SHISA7: variants seen among roughly 807,000 people sequenced by gnomAD.
SHISA7 encodes protein shisa-7.
Under a neutral mutation model 23.9 loss-of-function variants are expected in SHISA7, and 6 were observed. The observed-to-expected ratio is 0.25, with a 90% CI of 0.14 to 0.50. The LOEUF (loss-of-function observed/expected upper bound fraction) is 0.50. Ranked by LOEUF, SHISA7 falls within the 20% of genes least tolerant of loss-of-function variation. The pLI is 0.98. For missense variants in SHISA7, 671 were observed against 801.1 expected (o/e 0.84, Z 1.96); for synonymous variants, 386 against 398.3 (o/e 0.97, Z 0.37).
chr19:55,433,439 G>T lies in SHISA7; in HGVS notation c.1334C>A (p.Ala445Asp). The change falls in exon 4 of 4, where the codon GCC becomes GAC. Residue 445 changes from alanine to aspartate, a missense_variant. Physicochemically the swap from Ala to Asp is moderately radical, Grantham distance 126. Transcript: ENST00000376325. This position sits in a 1 kb window ranked among gnomAD's most constrained non-coding sequence, Gnocchi z 8.4. ...GTTGGAGTGCGAGGCGGCCAGGCTG[G>T]CCCGGGCGGTGGGGTCGGGGGGCAG... ...PALPPDPTARASLAASHSNLL... is the reference protein window; with the variant it reads ...PALPPDPTARDSLAASHSNLL... 1 of 1,336,588 alleles carries T rather than the reference G, an allele frequency of 7.5e-7. No homozygotes were observed. Among genetic ancestry groups the T allele is most frequent in the South Asian group, 1.9e-5 (1 of 51,296 alleles). 82.8% of individuals were successfully genotyped at this position (1,336,588 alleles called of 1,614,324 possible).
intron 3 of SHISA7, among the ~76,000 whole-genome samples, chr19:55,435,589 C>CAAAAAAAAA (rs1160895563): frequency 1.5e-5 from 1 of 66,440 alleles, no homozygotes; most frequent in African/African-American, 5.9e-5. Flanking sequence ...TCCATCTCTA[C>CAAAAAAAAA]AAAAAAAAAA....
intron 2 of SHISA7, 82 bp from the exon 3 acceptor site, chr19:55,437,836 C>G: frequency 1.4e-6 from 2 of 1,457,920 alleles, no homozygotes; most frequent in Non-Finnish European, 1.8e-6. Flanking sequence ...CCTGCTCCAT[C>G]AGACCCAGGA....
chr19:55,437,893 C>T lies in SHISA7; in HGVS notation c.827-139G>A, dbSNP rs1430011662. ...TCCTTCAGACCCAGGAGTGCAGGCC[C>T]CCAGCCCCTCCACCTCAGACCCAGG... On this transcript the variant is annotated intron_variant, in intron 2 of 3. Coordinates refer to ENST00000376325, the MANE Select transcript of SHISA7 (RefSeq NM_001145176.2). 8 of 1,066,526 alleles carry T rather than the reference C, an allele frequency of 7.5e-6. No individual in the cohort carries two copies. In the Admixed American group the frequency reaches 9.2e-5, roughly 12 times the overall value. 66.1% of individuals were successfully genotyped at this position (1,066,526 alleles called of 1,614,324 possible).
chr19:55,442,385 C>A lies in SHISA7; in HGVS notation c.479G>T (p.Gly160Val). Reference protein sequence around the residue: ...AGGAGGGPGPGQAGWLEGGRT... With the variant: ...AGGAGGGPGPVQAGWLEGGRT... Reference sequence around the variant, plus strand: ...GCCCCCTTCCAACCACCCGGCCTGGCCGGGCCCTGGCCCCCCGCCCGCACC... The same window carrying A: ...GCCCCCTTCCAACCACCCGGCCTGGACGGGCCCTGGCCCCCCGCCCGCACC... The change falls in exon 1 of 4, where the codon GGC (glycine) becomes GTC (valine). Residue 160 changes from glycine (G) to valine (V), a missense_variant. Gly to Val is a moderately radical substitution (Grantham distance 109). Coordinates refer to ENST00000376325, the MANE Select transcript of SHISA7 (RefSeq NM_001145176.2). 1 of 1,360,170 alleles carries A rather than the reference C, an allele frequency of 7.4e-7. No homozygotes were observed. The highest frequency in any genetic ancestry group is 9.4e-7 in the Non-Finnish European group (1 of 1,066,010). The allele number at this position is 1,360,170 out of a possible 1,614,324, so 84.3% of individuals were successfully genotyped here. A position where few individuals can be genotyped will look rare whatever the true frequency, so the allele number is the denominator to read the frequency against.
chr19:55,438,760 T>C (rs1985527172), intron 2 of SHISA7: 7 of 576,294 alleles, frequency 1.2e-5, no homozygotes, highest in Non-Finnish European at 2.0e-5. Context: ...GCTCCACAGA[T>C]CAACCCATGC....
In SHISA7 at chr19:55,433,580, T is replaced by C. The variant is rs1274133793; in HGVS notation, c.1193A>G (p.Tyr398Cys). 2.7e-6 allele frequency: 4 copies of C among 1,498,342 alleles called. No homozygotes were observed. The highest frequency in any genetic ancestry group is 2.7e-6 in the Non-Finnish European group (3 of 1,130,016). The allele number at this position is 1,498,342 out of a possible 1,614,324, so 92.8% of individuals were successfully genotyped here. A position where few individuals can be genotyped will look rare whatever the true frequency, so the allele number is the denominator to read the frequency against. ...HLLGDGGRSR[Y>C]EFTLPRARLV... The stretch of plus-strand genomic sequence containing the variant: ...GCGCGCGCGCGGCAGCGTGAACTCG[T>C]AGCGCGAACGGCCACCATCGCCCAG... The change falls in exon 4 of 4, where the codon TAC becomes TGC. Residue 398 changes from tyrosine (Y) to cysteine (C), a missense_variant. Around this residue, in one of 5 missense-constraint regions of SHISA7, gnomAD observed 457 missense variants for 488.3 expected, o/e 0.94. Coordinates refer to ENST00000376325, the MANE Select transcript of SHISA7 (RefSeq NM_001145176.2). The surrounding 1 kb of genome is among the most constrained non-coding windows in gnomAD (Gnocchi z 8.4).
At position 55,439,874 on chromosome 19, in the gene SHISA7, A is replaced by T. The variant is rs184400395; in HGVS notation, c.826+737T>A. 4.6e-5 allele frequency among the ~76,000 whole-genome samples: 7 copies of T among 152,114 alleles called. No individual in the cohort carries two copies. The East Asian group carries it at 1.4e-3, about 29-fold the overall frequency. On this transcript the variant is annotated intron_variant, in intron 2 of 3. Coordinates refer to ENST00000376325, the MANE Select transcript of SHISA7 (RefSeq NM_001145176.2). ...TTGCTCAAATACCTCCCCCTCGGAG[A>T]AGCCCTTCTGCCCCCAAACCAGACC...
In SHISA7 at chr19:55,442,438, C is replaced by A. The variant is rs757124550; in HGVS notation, c.426G>T (p.Pro142=). 106 of 1,416,726 alleles carry A rather than the reference C, an allele frequency of 7.5e-5. 1 individual carries two copies. Among genetic ancestry groups the A allele is most frequent in the Non-Finnish European group, 9.2e-5 (100 of 1,082,168 alleles). The allele number at this position is 1,416,726 out of a possible 1,614,324, so 87.8% of individuals were successfully genotyped here. The change falls in exon 1 of 4, where the codon CCG becomes CCT. Residue 142 remains proline, a synonymous_variant. Coordinates refer to ENST00000376325, the MANE Select transcript of SHISA7 (RefSeq NM_001145176.2). ...CAGCGCCCCCGGCGCCCCCAGCTAGCGGCGGCGGCGTGGTGGCCCAGCGCG... is the reference window on the plus strand; with the variant it reads ...CAGCGCCCCCGGCGCCCCCAGCTAGAGGCGGCGGCGTGGTGGCCCAGCGCG... The part of the protein sequence containing the change: ...DTPRWATTPP[P]LAGGAGGAGG...
intron 2 of SHISA7, chr19:55,438,412 G>C (rs1405050064): frequency 3.3e-6 from 2 of 609,986 alleles, no homozygotes; most frequent in African/African-American, 3.9e-5. Context: ...GGCTCACTTG[G>C]TGACCTGGCC....
At position 55,433,655 on chromosome 19, in the gene SHISA7, C is replaced by T; in HGVS notation, c.1118G>A (p.Gly373Asp). 1 of 1,489,886 alleles carries T rather than the reference C, an allele frequency of 6.7e-7. No individual in the cohort carries two copies. The highest frequency in any genetic ancestry group is 2.9e-5 in the East Asian group (1 of 34,670). The allele number at this position is 1,489,886 out of a possible 1,614,324, so 92.3% of individuals were successfully genotyped here. A position where few individuals can be genotyped will look rare whatever the true frequency, so the allele number is the denominator to read the frequency against. ...CCGGGGGTTGGGCGCGGGCGCCAGG[C>T]CCAGCTCCTCTGGGCCGCCCCAGGC... is the stretch of plus-strand genomic sequence containing the variant. ...MEAWGGPEEL[G>D]LAPAPNPRRV... Residue 373 changes from glycine (G) to aspartate (D), a missense_variant, in exon 4 of 4, where the codon GGC becomes GAC. By Grantham distance (94) the Gly-to-Asp change is moderately conservative. Transcript: ENST00000376325. The surrounding 1 kb of genome is among the most constrained non-coding windows in gnomAD (Gnocchi z 8.4).
Position 55,430,860 on chromosome 19 carries a change from A to C in SHISA7, c.*2296T>G, listed in dbSNP as rs1310916094. ...TGGATACTAGTGGATGGTGACAGAC[A>C]GCACTGGACCTCATGGATCCTGGGA... is the stretch of plus-strand genomic sequence containing the variant. On this transcript the variant is annotated 3_prime_UTR_variant, in exon 4 of 4. Transcript: ENST00000376325. The C allele has an allele frequency of 6.8e-6, 1 of 146,258 alleles. No homozygotes were observed. Among genetic ancestry groups the C allele is most frequent in the Admixed American group, 6.8e-5 (1 of 14,638 alleles). 9.1% of individuals were successfully genotyped at this position (146,258 alleles called of 1,614,324 possible).
chr19:55,433,112 C>T lies in SHISA7; in HGVS notation c.*44G>A, dbSNP rs1426854913. 2.3e-5 allele frequency: 34 copies of T among 1,489,390 alleles called. No individual in the cohort carries two copies. Among genetic ancestry groups the T allele is most frequent in the Non-Finnish European group, 2.9e-5 (33 of 1,126,302 alleles). 92.3% of individuals were successfully genotyped at this position (1,489,390 alleles called of 1,614,324 possible). A position where few individuals can be genotyped will look rare whatever the true frequency, so the allele number is the denominator to read the frequency against. On this transcript the variant is annotated 3_prime_UTR_variant, in exon 4 of 4. Coordinates refer to ENST00000376325, the MANE Select transcript of SHISA7 (RefSeq NM_001145176.2). The surrounding 1 kb of genome is among the most constrained non-coding windows in gnomAD (Gnocchi z 8.4). Reference sequence around the variant, plus strand: ...CTGTGTCGGGGGATCCAGGCTGGGACGGGGGGCCCGGGAGGCCGCAGCCCC... The same window carrying T: ...CTGTGTCGGGGGATCCAGGCTGGGATGGGGGGCCCGGGAGGCCGCAGCCCC...
In SHISA7 at chr19:55,432,334, G is replaced by C. The variant is rs369625442; in HGVS notation, c.*822C>G. 1.3e-5 allele frequency: 2 copies of C among 152,590 alleles called. No homozygotes were observed. Among genetic ancestry groups the C allele is most frequent in the East Asian group, 3.9e-4 (2 of 5,188 alleles). The allele number at this position is 152,590 out of a possible 1,614,324, so 9.5% of individuals were successfully genotyped here. A position where few individuals can be genotyped will look rare whatever the true frequency, so the allele number is the denominator to read the frequency against. On this transcript the variant is annotated 3_prime_UTR_variant, in exon 4 of 4. Coordinates refer to ENST00000376325, the MANE Select transcript of SHISA7 (RefSeq NM_001145176.2). The surrounding 1 kb of genome is among the most constrained non-coding windows in gnomAD (Gnocchi z 4.6). ...CACATAGCATCTGGGCGACATCACA[G>C]AAGGGACCTCCTCCTGGAGAGGTCC...
At chr19:55,437,447 C>T (rs1024168747) in intron 3 of SHISA7, among the ~76,000 whole-genome samples, 158 bp downstream of exon 3, 1 of 152,116 alleles carries the variant, frequency 6.6e-6, no homozygotes, top group African/African-American at 2.4e-5. Flanking sequence ...GATTCTGATA[C>T]AAAAGTACCA....
At position 55,437,690 on chromosome 19, in the gene SHISA7, G is replaced by A; in HGVS notation, c.891C>T (p.Ser297=). The stretch of plus-strand genomic sequence containing the variant: ...GGGGCAGATGCGAGAGGTTGTGGAA[G>A]GACCGAGAGCAGGACAGCGTGGAGT... ...LHYSTLSCSR[S]FHNLSHLPPS... The change falls in exon 3 of 4, where the codon TCC becomes TCT. Residue 297 remains serine, a synonymous_variant. Transcript: ENST00000376325. 1.9e-6 allele frequency: 3 copies of A among 1,551,546 alleles called. No individual in the cohort carries two copies. Among genetic ancestry groups the A allele is most frequent in the Non-Finnish European group, 2.6e-6 (3 of 1,146,946 alleles).
At chr19:55,436,216 G>A (rs1013910175) in intron 3 of SHISA7, among the ~76,000 whole-genome samples, 1 of 151,198 alleles carries the variant, frequency 6.6e-6, no homozygotes, top group Non-Finnish European at 1.5e-5. Context: ...GAGCCCAGGA[G>A]GCAGAGGTTG....
Position 55,430,855 on chromosome 19 carries a change from C to T in SHISA7, c.*2301G>A, listed in dbSNP as rs920224946. On this transcript the variant is annotated 3_prime_UTR_variant, in exon 4 of 4. Coordinates refer to ENST00000376325, the MANE Select transcript of SHISA7 (RefSeq NM_001145176.2). ...TATGGTGGATACTAGTGGATGGTGA[C>T]AGACAGCACTGGACCTCATGGATCC... 4 of 138,670 alleles carry T rather than the reference C, an allele frequency of 2.9e-5. No individual in the cohort carries two copies. Among genetic ancestry groups the T allele is most frequent in the African/African-American group, 1.1e-4 (4 of 36,334 alleles). 8.6% of individuals were successfully genotyped at this position (138,670 alleles called of 1,614,324 possible).
intron 2 of SHISA7, among the ~76,000 whole-genome samples, chr19:55,439,941 C>T (rs1985557263): frequency 6.6e-6 from 1 of 151,918 alleles, no homozygotes; most frequent in Non-Finnish European, 1.5e-5. Context: ...GACCTCTCCA[C>T]TGATGCATTC....
In SHISA7 at chr19:55,442,274, A is replaced by G; in HGVS notation, c.590T>C (p.Leu197Pro). 6.5e-7 allele frequency: 1 copy of G among 1,533,236 alleles called. No homozygotes were observed. 95.0% of individuals were successfully genotyped at this position (1,533,236 alleles called of 1,614,324 possible). Reference sequence around the variant, plus strand: ...CACTTTGGCGCCGACGCCCACGGCCAGGGCGAAGCTGATGACCCCGCACAC... The same window carrying G: ...CACTTTGGCGCCGACGCCCACGGCCGGGGCGAAGCTGATGACCCCGCACAC... ...YVVCGVISFA[L>P]AVGVGAKVAF... Residue 197 changes from leucine (L) to proline (P), a missense_variant, in exon 1 of 4, where the codon CTG becomes CCG. Physicochemically the swap from Leu to Pro is moderately conservative, Grantham distance 98. Coordinates refer to ENST00000376325, the MANE Select transcript of SHISA7 (RefSeq NM_001145176.2).
Sources: gnomAD v4.1 joint callset for allele counts (sites outside exome capture counted in the v4.1 genomes callset) on GRCh38, gnomAD v4.1.1 for gene constraint, gnomAD v4.1.1 regional missense constraint, Gnocchi (gnomAD v3.1) non-coding constraint, MANE v1.5 for transcripts, NCBI Gene and HGNC (gene_info 2026-07-23, HGNC 2026-07-21) for gene names.